BCAR3: variants seen among roughly 807,000 people sequenced by gnomAD.
BCAR3 encodes the protein breast cancer anti-estrogen resistance protein 3.
BCAR3 carries 37 observed loss-of-function variants against 80.1 expected under a neutral mutation model. The observed-to-expected ratio is 0.46, with a 90% CI of 0.36 to 0.61. The LOEUF is 0.61. Among genes scored for constraint, BCAR3 ranks in the 20% least tolerant of loss-of-function variants. The pLI, the probability that BCAR3 is intolerant of heterozygous loss-of-function variation, is 0.00. For missense variants in BCAR3, 978 were observed against 1,068.2 expected (o/e 0.92, Z 1.18); for synonymous variants, 389 against 418.9 (o/e 0.93, Z 0.87).
chr1:93,669,781 T>C (rs529511755), intron 2 of BCAR3, among the ~76,000 whole-genome samples: 1 of 152,282 alleles, frequency 6.6e-6, no homozygotes, highest in East Asian at 1.9e-4. Context: ...ATTAACAGCA[T>C]TTGCAGTGAC....
At chr1:93,813,580 CCATTT>C (rs1343886983) in intron 2 of BCAR3, among the ~76,000 whole-genome samples, 1 of 152,182 alleles carries the variant, frequency 6.6e-6, no homozygotes, top group Non-Finnish European at 1.5e-5. Flanking sequence ...TCATTGTGCT[CCATTT>C]CTTTTGTGGC....
chr1:93,689,113 A>C (rs1649077672), intron 3 of BCAR3, among the ~76,000 whole-genome samples: 1 of 152,210 alleles, frequency 6.6e-6, no homozygotes, highest in African/African-American at 2.4e-5. Flanking sequence ...AGCAGGGAAC[A>C]TGGCATGGAT....
At chr1:93,767,297 C>A (rs919765308) in intron 2 of BCAR3, among the ~76,000 whole-genome samples, 1 of 151,984 alleles carries the variant, frequency 6.6e-6, no homozygotes, top group African/African-American at 2.4e-5. Flanking sequence ...CCGAGGCAGG[C>A]GAATCACTTG....
At chr1:93,626,599 C>T (rs1675464277) in intron 3 of BCAR3, among the ~76,000 whole-genome samples, 1 of 152,188 alleles carries the variant, frequency 6.6e-6, no homozygotes. Context: ...CCTGGTGCCT[C>T]AGCACAAAGC....
chr1:93,831,229 C>T (rs1654553104), intron 2 of BCAR3, among the ~76,000 whole-genome samples: 1 of 152,154 alleles, frequency 6.6e-6, no homozygotes, highest in East Asian at 1.9e-4. Context: ...TGGCTGCTCA[C>T]CCACCTGCTT....
chr1:93,797,845 C>T (rs1358430433), intron 2 of BCAR3, among the ~76,000 whole-genome samples: 1 of 152,178 alleles, frequency 6.6e-6, no homozygotes, highest in Non-Finnish European at 1.5e-5. Flanking sequence ...CAAACATTTT[C>T]CTACTGTCTC....
intron 2 of BCAR3, among the ~76,000 whole-genome samples, chr1:93,745,077 G>C (rs1651309398): frequency 6.6e-6 from 1 of 152,162 alleles, no homozygotes; most frequent in Non-Finnish European, 1.5e-5. Flanking sequence ...AAGTTTTATG[G>C]GTGACAGCAA....
At chr1:93,800,166 G>A (rs1171457906) in intron 2 of BCAR3, among the ~76,000 whole-genome samples, 1 of 152,008 alleles carries the variant, frequency 6.6e-6, no homozygotes, top group Non-Finnish European at 1.5e-5. Context: ...TTAATATTTG[G>A]ACATGGAAGT....
intron 2 of BCAR3, among the ~76,000 whole-genome samples, chr1:93,822,478 T>C (rs1162775565): frequency 6.6e-6 from 1 of 152,140 alleles, no homozygotes; most frequent in African/African-American, 2.4e-5. Flanking sequence ...CAGCTGGGAT[T>C]ACAGGGGTCT....
At chr1:93,575,613 A>G (rs558083065) in intron 8 of BCAR3, among the ~76,000 whole-genome samples, 4 of 152,068 alleles carry the variant, frequency 2.6e-5, no homozygotes, top group East Asian at 3.9e-4. Context: ...TCCTCAAGCA[A>G]TCTTAACCCC....
At chr1:93,829,769 T>C (rs1030160308) in intron 2 of BCAR3, among the ~76,000 whole-genome samples, 3 of 152,238 alleles carry the variant, frequency 2.0e-5, no homozygotes, top group African/African-American at 7.2e-5. Flanking sequence ...TTTCTACCCC[T>C]ACAATGGCTT....
At chr1:93,758,867 T>C (rs1651836219) in intron 2 of BCAR3, among the ~76,000 whole-genome samples, 1 of 152,156 alleles carries the variant, frequency 6.6e-6, no homozygotes, top group South Asian at 2.1e-4. Context: ...GAGAACCGAA[T>C]AGGAGAAAAG....
chr1:93,699,360 C>T (rs1649553454), intron 3 of BCAR3, among the ~76,000 whole-genome samples: 1 of 152,188 alleles, frequency 6.6e-6, no homozygotes, highest in Admixed American at 6.5e-5. Flanking sequence ...AGCCAATCTC[C>T]CTACAGTCTT....
Position 93,592,142 on chromosome 1 carries a change from A to T in BCAR3, c.486+123T>A. The stretch of plus-strand genomic sequence containing the variant: ...GTCTAAATGAAGTCATTTTTAGAGT[A>T]TTTGTTTTTGGTTACACAGGTGCTT... On this transcript the variant is annotated intron_variant, in intron 4 of 11. Coordinates refer to ENST00000260502, the MANE Select transcript of BCAR3 (RefSeq NM_003567.4). This position sits in a 1 kb window ranked among gnomAD's most constrained non-coding sequence, Gnocchi z 4.8. The T allele has an allele frequency of 7.2e-7, 1 of 1,381,686 alleles. No individual in the cohort carries two copies. The highest frequency in any genetic ancestry group is 9.8e-7 in the Non-Finnish European group (1 of 1,019,578). The allele number at this position is 1,381,686 out of a possible 1,614,324, so 85.6% of individuals were successfully genotyped here.
intron 2 of BCAR3, among the ~76,000 whole-genome samples, chr1:93,784,199 GAAAA>G (rs386367700): frequency 1.2e-5 from 1 of 86,826 alleles, no homozygotes; most frequent in Non-Finnish European, 2.8e-5. Flanking sequence ...GATCTGTAAA[GAAAA>G]AAAAAAAAAA....
Position 93,804,745 on chromosome 1 carries a change from G to A in BCAR3, c.-63+40822C>T, listed in dbSNP as rs1653605792. On this transcript the variant is annotated intron_variant, in intron 2 of 13. Coordinates refer to the BCAR3 transcript ENST00000370244. ...CTGCAAGTAACTGAAACTGCAGAAA[G>A]TGAAACAGTGGATAAGGAGGAACCA... 2.6e-5 allele frequency among the ~76,000 whole-genome samples: 4 copies of A among 152,314 alleles called. No individual in the cohort carries two copies. In the South Asian group the frequency reaches 8.3e-4, roughly 32 times the overall value.
At chr1:93,807,537 G>C (rs1653696711) in intron 2 of BCAR3, among the ~76,000 whole-genome samples, 1 of 152,126 alleles carries the variant, frequency 6.6e-6, no homozygotes, top group Non-Finnish European at 1.5e-5. Context: ...ACTTCACTGT[G>C]AACAAAAGTT....
chr1:93,599,847 C>T (rs569093137), intron 3 of BCAR3: 29 of 152,362 alleles, frequency 1.9e-4, no homozygotes, highest in African/African-American at 6.7e-4. Context: ...CCCTCAGAAT[C>T]GGCTTCCATT....
Position 93,589,298 on chromosome 1 carries a change from C to T in BCAR3, c.608G>A (p.Arg203Gln), listed in dbSNP as rs375478012. 250 of 1,614,028 alleles carry T rather than the reference C, an allele frequency of 1.5e-4. 1 individual carries two copies. The highest frequency in any genetic ancestry group is 2.5e-4 in the South Asian group (23 of 91,082). ...GGCCTCGCTGAGTCGCAGAACTGTC[C>T]GGTTGATTTTGAAGTGCTGAGCGAG... ...KNLAQHFKIN[R>Q]TVLRLSEAYS... Residue 203 changes from arginine to glutamine, a missense_variant, in exon 5 of 12, where the codon CGG (arginine) becomes CAG (glutamine). By Grantham distance (43) the Arg-to-Gln change is conservative. Transcript: ENST00000260502.
Sources: allele counts gnomAD v4.1 joint callset (sites outside exome capture counted in the v4.1 genomes callset), GRCh38; gene constraint gnomAD v4.1.1; non-coding constraint Gnocchi (gnomAD v3.1); transcripts MANE v1.5; gene names NCBI Gene and HGNC (gene_info 2026-07-23, HGNC 2026-07-21).